Variants in SCD5 observed in about 807,000 individuals in gnomAD.
SCD5 encodes the protein stearoyl-CoA desaturase 5.
A neutral mutation model predicts 30.4 loss-of-function variants in SCD5; 20 were observed. The ratio of observed to expected loss-of-function variants is 0.66; its 90% CI spans 0.46 to 0.96. SCD5 has a LOEUF of 0.96. Ranked by LOEUF, SCD5 falls within the 40% of genes least tolerant of loss-of-function variation. SCD5 has a pLI of 0.00. For missense variants in SCD5, 381 were observed against 443.3 expected, an observed-to-expected ratio of 0.86 and a Z score of 1.26; for synonymous variants, 173 against 176.4, an observed-to-expected ratio of 0.98 and a Z score of 0.16.
chr4:82,792,438 C>T (rs773809563), intron 1 of SCD5, among the ~76,000 whole-genome samples: 6 of 151,100 alleles, frequency 4.0e-5, no homozygotes, highest in Non-Finnish European at 5.9e-5. Context: ...ATCCAGGCAC[C>T]GTGGCTCATG....
intron 1 of SCD5, among the ~76,000 whole-genome samples, chr4:82,738,283 G>T (rs949584083): frequency 6.6e-6 from 1 of 152,114 alleles, no homozygotes; most frequent in African/African-American, 2.4e-5. Context: ...TTAGCTGGGT[G>T]TGGTGGCGTG....
chr4:82,650,695 CA>C (rs569614575), intron 3 of SCD5, among the ~76,000 whole-genome samples: 8,034 of 142,932 alleles, frequency 0.056, 263 homozygotes, highest in South Asian at 0.15. Context: ...GAACTTGTGT[CA>C]AAAAAAAAAA....
Position 82,636,915 on chromosome 4 carries a change from AG to A in SCD5, c.570-93del, listed in dbSNP as rs958452473. The A allele has an allele frequency of 5.4e-6, 6 of 1,117,286 alleles. No homozygotes were observed. The African/African-American group carries it at 6.3e-5, about 12-fold the overall frequency. 69.2% of individuals were successfully genotyped at this position (1,117,286 alleles called of 1,614,324 possible). ...CACAGGAAAAGTCAGAAAAAAGCCC[AG>A]GGAGAGAACTGTGCCAGTCAGCTCC... On this transcript the variant is annotated intron_variant, in intron 3 of 4. Coordinates refer to ENST00000319540, the MANE Select transcript of SCD5 (RefSeq NM_001037582.3).
chr4:82,701,016 GA>G (rs1166033503), intron 2 of SCD5, among the ~76,000 whole-genome samples: 1 of 152,038 alleles, frequency 6.6e-6, no homozygotes, highest in African/African-American at 2.4e-5. Flanking sequence ...TTCAAAATAA[GA>G]ATAGTAACAA....
At chr4:82,657,905 T>C (rs751481275) in intron 3 of SCD5, among the ~76,000 whole-genome samples, 12 of 152,192 alleles carry the variant, frequency 7.9e-5, no homozygotes, top group African/African-American at 1.2e-4. Context: ...TTGTCTACTA[T>C]TGGTGTACAG....
At chr4:82,773,274 AC>A (rs1721668976) in intron 1 of SCD5, among the ~76,000 whole-genome samples, 1 of 152,178 alleles carries the variant, frequency 6.6e-6, no homozygotes, top group Admixed American at 6.5e-5. Flanking sequence ...TTTAATTGCA[AC>A]AAGGATTATA....
Position 82,680,813 on chromosome 4 carries a change from G to A in SCD5, c.463C>T (p.His155Tyr), listed in dbSNP as rs1331357554. 2 of 1,613,770 alleles carry A rather than the reference G, an allele frequency of 1.2e-6. No homozygotes were observed. Among genetic ancestry groups the A allele is most frequent in the East Asian group, 4.5e-5 (2 of 44,820 alleles). The change falls in exon 3 of 5, where the codon CAT becomes TAT. Residue 155 changes from histidine (H) to tyrosine (Y), a missense_variant. His to Tyr is a moderately conservative substitution (Grantham distance 83). Coordinates refer to ENST00000319540, the MANE Select transcript of SCD5 (RefSeq NM_001037582.3). ...HNARRGFFFS[H>Y]IGWLFVRKHR... ...TTGCGAACAAACAGCCACCCAATAT[G>A]GGAGAAGAAGAAGCCCCGGCGGGCA... is the stretch of plus-strand genomic sequence containing the variant.
intron 2 of SCD5, among the ~76,000 whole-genome samples, chr4:82,701,183 G>T (rs1242082157): frequency 6.6e-6 from 1 of 152,054 alleles, no homozygotes; most frequent in Non-Finnish European, 1.5e-5. Context: ...AGTGGGTTTC[G>T]ATTAGTTGTA....
At chr4:82,644,384 C>T (rs1727600002) in intron 3 of SCD5, among the ~76,000 whole-genome samples, 1 of 152,206 alleles carries the variant, frequency 6.6e-6, no homozygotes, top group Non-Finnish European at 1.5e-5. Flanking sequence ...ATCTCCATCT[C>T]AGAGCCAGCT....
chr4:82,694,673 A>G (rs1475276031), intron 2 of SCD5, among the ~76,000 whole-genome samples: 1 of 152,200 alleles, frequency 6.6e-6, no homozygotes, highest in East Asian at 1.9e-4. Flanking sequence ...ATCCAGAAAA[A>G]AAAAGAAAAT....
At chr4:82,636,002 C>T (rs916240167) in intron 4 of SCD5, among the ~76,000 whole-genome samples, 1 of 152,204 alleles carries the variant, frequency 6.6e-6, no homozygotes, top group Non-Finnish European at 1.5e-5. Flanking sequence ...GCTGCTTCTC[C>T]TTTAGAACAT....
At chr4:82,706,217 A>C (rs1719965547) in intron 1 of SCD5, among the ~76,000 whole-genome samples, 1 of 152,150 alleles carries the variant, frequency 6.6e-6, no homozygotes, top group African/African-American at 2.4e-5. Flanking sequence ...TCAACTAGCA[A>C]GTAGTCAGGG....
At chr4:82,726,808 C>G (rs1387384677) in intron 1 of SCD5, among the ~76,000 whole-genome samples, 3 of 152,124 alleles carry the variant, frequency 2.0e-5, no homozygotes, top group Non-Finnish European at 4.4e-5. Flanking sequence ...GCCTATGCTT[C>G]TTGGCATGCT....
At chr4:82,731,268 G>A (rs968233136) in intron 1 of SCD5, among the ~76,000 whole-genome samples, 2 of 152,172 alleles carry the variant, frequency 1.3e-5, no homozygotes, top group African/African-American at 2.4e-5. Context: ...TCCAAGGTAC[G>A]GAACACAGCT....
chr4:82,759,176 C>A (rs1387267169), intron 1 of SCD5, among the ~76,000 whole-genome samples: 1 of 152,224 alleles, frequency 6.6e-6, no homozygotes, highest in Non-Finnish European at 1.5e-5. Context: ...AAGCATGTGG[C>A]CTCCATGACA....
chr4:82,774,890 AG>A (rs1002677662), intron 1 of SCD5, among the ~76,000 whole-genome samples: 2 of 152,188 alleles, frequency 1.3e-5, no homozygotes, highest in Non-Finnish European at 2.9e-5. Flanking sequence ...AGGCACCAAC[AG>A]GGGAGAAGTC....
intron 1 of SCD5, 144 bp from the exon 2 acceptor site, chr4:82,705,557 G>T: frequency 8.7e-7 from 1 of 1,155,192 alleles, no homozygotes. Context: ...AACTTGAGAG[G>T]AGGCAGCCTT....
chr4:82,635,619 T>TAAAAAAA (rs3972726), intron 4 of SCD5, among the ~76,000 whole-genome samples: 2 of 114,492 alleles, frequency 1.7e-5, no homozygotes, highest in African/African-American at 3.6e-5. Context: ...GACTCCGTCT[T>TAAAAAAA]AAAAAAAAAA....
intron 1 of SCD5, among the ~76,000 whole-genome samples, chr4:82,738,345 C>A (rs1275737798): frequency 1.4e-5 from 2 of 143,758 alleles, no homozygotes; most frequent in African/African-American, 2.6e-5. Flanking sequence ...TCGCTTGAAC[C>A]CAGGAGGCAG....
Sources: gnomAD v4.1 joint callset for allele counts (sites outside exome capture counted in the v4.1 genomes callset) on GRCh38, gnomAD v4.1.1 for gene constraint, MANE v1.5 for transcripts, NCBI Gene and HGNC (gene_info 2026-07-23, HGNC 2026-07-21) for gene names.